DLG2: variants seen among roughly 807,000 people sequenced by gnomAD.
DLG2 encodes disks large homolog 2.
Under a neutral mutation model 132.5 loss-of-function variants are expected in DLG2, and 45 were observed. The observed-to-expected ratio is 0.34, with a 90% CI of 0.27 to 0.44. DLG2 has a LOEUF of 0.44. Ranked by LOEUF, DLG2 falls within the 20% of genes least tolerant of loss-of-function variation. The pLI is 1.00. For synonymous variants in DLG2, 424 were observed against 419.6 expected, an observed-to-expected ratio of 1.01 and a Z score of -0.13; for missense variants, 1,045 against 1,196.9, an observed-to-expected ratio of 0.87 and a Z score of 1.87.
At chr11:84,722,398 ATGTAT>A (rs1270253077) in intron 6 of DLG2, among the ~76,000 whole-genome samples, 1 of 152,180 alleles carries the variant, frequency 6.6e-6, no homozygotes. Context: ...GAAAGTTTAA[ATGTAT>A]TGGTTAGAAC....
At chr11:85,510,299 C>T (rs892984646) in intron 3 of DLG2, among the ~76,000 whole-genome samples, 2 of 151,998 alleles carry the variant, frequency 1.3e-5, no homozygotes, top group African/African-American at 4.8e-5. Context: ...TGTCTTAATC[C>T]TTAGGCATGG....
At chr11:84,534,841 G>A (rs1339815541) in intron 6 of DLG2, 110 bp from the exon 7 acceptor site, 4 of 1,285,846 alleles carry the variant, frequency 3.1e-6, no homozygotes, top group Admixed American at 3.4e-5. Context: ...TGCACCTACT[G>A]TTGACTTCAC....
intron 6 of DLG2, among the ~76,000 whole-genome samples, chr11:84,974,822 C>A (rs895459282): frequency 6.6e-6 from 1 of 152,174 alleles, no homozygotes; most frequent in Non-Finnish European, 1.5e-5. Context: ...AACTGTGATG[C>A]ATGCTAGAGT....
chr11:83,766,926 T>C (rs1215810284), intron 18 of DLG2, among the ~76,000 whole-genome samples: 2 of 152,192 alleles, frequency 1.3e-5, no homozygotes, highest in Non-Finnish European at 2.9e-5. Context: ...GGGAAGAAAC[T>C]GTCTTCAAAG....
chr11:84,909,489 C>A (rs948124280), intron 6 of DLG2, among the ~76,000 whole-genome samples: 1 of 152,092 alleles, frequency 6.6e-6, no homozygotes, highest in African/African-American at 2.4e-5. Context: ...TAACCCTCAC[C>A]TGACAGGTTT....
chr11:85,416,486 T>C (rs1191233944), intron 3 of DLG2, among the ~76,000 whole-genome samples: 1 of 152,146 alleles, frequency 6.6e-6, no homozygotes, highest in East Asian at 1.9e-4. Context: ...AAGAAAGTCA[T>C]TGGTAGCTTG....
intron 3 of DLG2, among the ~76,000 whole-genome samples, chr11:85,522,078 A>G (rs183677410): frequency 4.6e-5 from 7 of 152,272 alleles, no homozygotes; most frequent in Non-Finnish European, 1.0e-4. Context: ...CCTTCCCATC[A>G]CAGACCCCAA....
intron 8 of DLG2, among the ~76,000 whole-genome samples, chr11:84,213,036 C>T (rs554440033): frequency 1.5e-4 from 23 of 152,292 alleles, no homozygotes; most frequent in African/African-American, 5.1e-4. Flanking sequence ...GTGAGCCACA[C>T]TGTTATTATT....
chr11:83,805,464 T>A (rs1299119557), intron 17 of DLG2, among the ~76,000 whole-genome samples: 2 of 152,004 alleles, frequency 1.3e-5, no homozygotes, highest in Non-Finnish European at 2.9e-5. Flanking sequence ...ATATTGTTCT[T>A]TTTGATATAT....
At chr11:83,496,279 C>A (rs2094145301) in intron 21 of DLG2, among the ~76,000 whole-genome samples, 3 of 151,582 alleles carry the variant, frequency 2.0e-5, no homozygotes, top group South Asian at 2.1e-4. Context: ...TCACTTGATA[C>A]CCACCAGAGT....
At chr11:83,844,144 C>G (rs531288509) in intron 16 of DLG2, among the ~76,000 whole-genome samples, 6 of 152,220 alleles carry the variant, frequency 3.9e-5, no homozygotes, top group Non-Finnish European at 8.8e-5. Context: ...AATTAGGACC[C>G]TGTGAGGCTA....
intron 6 of DLG2, among the ~76,000 whole-genome samples, chr11:85,093,777 T>C (rs909845606): frequency 3.9e-5 from 6 of 152,198 alleles, no homozygotes; most frequent in African/African-American, 1.4e-4. Flanking sequence ...GTGGGAATTA[T>C]GGTAGCTACA....
chr11:84,379,131 A>C (rs1186567045), intron 7 of DLG2, among the ~76,000 whole-genome samples: 1 of 152,172 alleles, frequency 6.6e-6, no homozygotes, highest in African/African-American at 2.4e-5. Context: ...ACTCTAAATA[A>C]ATGGGGAAAC....
chr11:84,451,254 C>T (rs1202010057), intron 7 of DLG2, among the ~76,000 whole-genome samples: 5 of 151,802 alleles, frequency 3.3e-5, no homozygotes, highest in Non-Finnish European at 7.4e-5. Context: ...TGCATCTAAA[C>T]TTTCGTTAAA....
At chr11:84,155,706 T>C (rs1229769619) in intron 9 of DLG2, among the ~76,000 whole-genome samples, 2 of 152,086 alleles carry the variant, frequency 1.3e-5, no homozygotes, top group African/African-American at 4.8e-5. Flanking sequence ...AAACCACTGA[T>C]TAAAATTCAC....
rs1489719097 is a variant in DLG2, at chr11:85,602,416, T to C, written c.-92-3628A>G. On this transcript the variant is annotated intron_variant, in intron 2 of 27. Coordinates refer to ENST00000376104, the MANE Select transcript of DLG2 (RefSeq NM_001142699.3). ...TTTTTCTTTTTTCTTTCTGTCTTTG[T>C]TTGTTTGTTTTGTTTTTTGTTTTCT... 4.6e-5 allele frequency among the ~76,000 whole-genome samples: 7 copies of C among 151,112 alleles called. No homozygotes were observed. In the South Asian group the frequency reaches 1.5e-3, roughly 31 times the overall value.
intron 6 of DLG2, among the ~76,000 whole-genome samples, chr11:84,988,606 T>C (rs746227138): frequency 6.6e-6 from 1 of 152,146 alleles, no homozygotes; most frequent in East Asian, 1.9e-4. Context: ...TTTTTCTAAG[T>C]GAAGTAACTC....
chr11:83,663,068 A>G (rs904267196), intron 18 of DLG2, among the ~76,000 whole-genome samples: 30 of 152,238 alleles, frequency 2.0e-4, no homozygotes, highest in African/African-American at 7.2e-4. Context: ...CCTGAATTAC[A>G]TTGCTTTCTG....
At chr11:85,523,789 T>C (rs919185861) in intron 3 of DLG2, among the ~76,000 whole-genome samples, 1 of 152,220 alleles carries the variant, frequency 6.6e-6, no homozygotes, top group African/African-American at 2.4e-5. Context: ...CCCACGTTTA[T>C]TGCAGCACTA....
Sources: gnomAD v4.1 joint callset for allele counts (sites outside exome capture counted in the v4.1 genomes callset) on GRCh38, gnomAD v4.1.1 for gene constraint, MANE v1.5 for transcripts, NCBI Gene and HGNC (gene_info 2026-07-23, HGNC 2026-07-21) for gene names.